Variants in B4GALT6 observed in about 807,000 individuals in gnomAD.
B4GALT6 encodes the protein UDP-Gal:beta-GlcNAc beta-1,4-galactosyltransferase 6.
In B4GALT6, 14 loss-of-function variants were observed where a neutral mutation model predicts 46.3. That is an observed-to-expected ratio of 0.30 (90% confidence interval 0.20 to 0.47). The LOEUF is 0.47. Among genes scored for constraint, B4GALT6 ranks in the 20% least tolerant of loss-of-function variants. B4GALT6 has a pLI of 0.99. For missense variants in B4GALT6, 386 were observed against 480.1 expected (o/e 0.80, Z 1.83); for synonymous variants, 168 against 162.0 (o/e 1.04, Z -0.28).
chr18:31,708,686 AT>A, the B4GALT6 span, among the ~76,000 whole-genome samples: 144 of 152,242 alleles, frequency 9.5e-4, no homozygotes, highest in Non-Finnish European at 1.7e-3. Context: ...TCTTCCCTTT[AT>A]TTTTTTCCAC....
the B4GALT6 span, among the ~76,000 whole-genome samples, chr18:31,709,398 A>T: frequency 0.64 from 94,610 of 147,078 alleles, 30,803 homozygotes; most frequent in South Asian, 0.7. Context: ...CCCATGGACA[A>T]TAGAGTATGT....
chr18:31,643,030 T>C (rs997902569), intron 4 of B4GALT6, among the ~76,000 whole-genome samples: 2 of 152,182 alleles, frequency 1.3e-5, no homozygotes, highest in Non-Finnish European at 2.9e-5. Context: ...AACATAAATC[T>C]AGTTATTTCT....
At chr18:31,659,798 C>T (rs1354518288) in intron 2 of B4GALT6, among the ~76,000 whole-genome samples, 3 of 151,990 alleles carry the variant, frequency 2.0e-5, no homozygotes, top group Non-Finnish European at 4.4e-5. Flanking sequence ...ATTCAGTGAA[C>T]ATTAATTGTT....
chr18:31,695,282 C>T, the B4GALT6 span, among the ~76,000 whole-genome samples: 1 of 128,838 alleles, frequency 7.8e-6, no homozygotes, highest in Admixed American at 8.3e-5. Context: ...CACTTCTCCT[C>T]CCTGAAATTA....
the B4GALT6 span, among the ~76,000 whole-genome samples, chr18:31,706,459 T>C: frequency 2.0e-5 from 3 of 151,990 alleles, no homozygotes; most frequent in African/African-American, 7.2e-5. Context: ...GGAGAAACCC[T>C]GCCTCTACTA....
the B4GALT6 span, among the ~76,000 whole-genome samples, chr18:31,715,614 G>T: frequency 8.1e-6 from 1 of 124,164 alleles, no homozygotes; most frequent in South Asian, 2.7e-4. Flanking sequence ...GCAATAGCAC[G>T]ATCTCAGCTC....
chr18:31,724,440 G>T, the B4GALT6 span: 1 of 1,034,166 alleles, frequency 9.7e-7, no homozygotes. Context: ...CACGCGAATC[G>T]CCGCCATGAG....
At chr18:31,723,248 C>T in the B4GALT6 span, among the ~76,000 whole-genome samples, 1 of 152,182 alleles carries the variant, frequency 6.6e-6, no homozygotes, top group Non-Finnish European at 1.5e-5. Context: ...AGTCTACATT[C>T]ATTATCCCAT....
At chr18:31,631,179 A>C in intron 5 of B4GALT6, 33 bp from the exon 6 acceptor site, 1 of 1,549,108 alleles carries the variant, frequency 6.5e-7, no homozygotes, top group African/African-American at 1.4e-5. Flanking sequence ...AAAAAATAGA[A>C]ATGTACTCAC....
chr18:31,722,839 A>G, the B4GALT6 span, among the ~76,000 whole-genome samples: 1 of 152,226 alleles, frequency 6.6e-6, no homozygotes, highest in Non-Finnish European at 1.5e-5. Flanking sequence ...GAGGTCTTCA[A>G]TCACTAATGA....
chr18:31,660,764 A>C (rs1204691714), intron 2 of B4GALT6, among the ~76,000 whole-genome samples: 2 of 152,146 alleles, frequency 1.3e-5, no homozygotes. Flanking sequence ...AAATAATATA[A>C]AAATATTTTG....
intron 6 of B4GALT6, among the ~76,000 whole-genome samples, chr18:31,629,935 C>T (rs750258540): frequency 2.5e-4 from 37 of 146,054 alleles, no homozygotes; most frequent in Non-Finnish European, 3.3e-4. Flanking sequence ...AGTTCAGATA[C>T]AGAGGTAATA....
At chr18:31,631,347 C>T (rs546999932) in intron 5 of B4GALT6, among the ~76,000 whole-genome samples, 41 of 152,042 alleles carry the variant, frequency 2.7e-4, no homozygotes, top group African/African-American at 8.4e-4. Context: ...CCACCGCGCC[C>T]GGCCCCCATC....
At chr18:31,631,209 T>C in intron 5 of B4GALT6, 63 bp from the exon 6 acceptor site, 1 of 1,464,788 alleles carries the variant, frequency 6.8e-7, no homozygotes, top group East Asian at 2.4e-5. Context: ...TCTTTTTTTT[T>C]TTTTTTCTTT....
intron 5 of B4GALT6, among the ~76,000 whole-genome samples, chr18:31,632,130 T>TA (rs1007473914): frequency 2.0e-5 from 3 of 152,046 alleles, no homozygotes; most frequent in African/African-American, 7.2e-5. Flanking sequence ...TAAAATATAT[T>TA]AAAAAAAGGA....
the B4GALT6 span, among the ~76,000 whole-genome samples, chr18:31,717,221 C>A: frequency 6.6e-6 from 1 of 151,896 alleles, no homozygotes; most frequent in Non-Finnish European, 1.5e-5. Context: ...TATTTATATA[C>A]AAAAGAATAC....
At chr18:31,639,383 A>G (rs2144552991) in intron 4 of B4GALT6, among the ~76,000 whole-genome samples, 1 of 152,318 alleles carries the variant, frequency 6.6e-6, no homozygotes, top group African/African-American at 2.4e-5. Flanking sequence ...TATCTTACAC[A>G]TGGTTTCTCT....
At chr18:31,658,166 T>C in intron 2 of B4GALT6, 77 bp from the exon 3 acceptor site, 1 of 1,019,118 alleles carries the variant, frequency 9.8e-7, no homozygotes. Context: ...TACGTCACTA[T>C]CACTGGGAGA....
chr18:31,689,508 A>G (rs992753660), upstream of B4GALT6, among the ~76,000 whole-genome samples: 2 of 152,032 alleles, frequency 1.3e-5, no homozygotes, highest in African/African-American at 4.8e-5. Flanking sequence ...ACTTTGGGAG[A>G]CCAAGGCGGG....
Sources: gnomAD v4.1 joint callset for allele counts (sites outside exome capture counted in the v4.1 genomes callset) on GRCh38, gnomAD v4.1.1 for gene constraint, MANE v1.5 for transcripts, NCBI Gene and HGNC (gene_info 2026-07-23, HGNC 2026-07-21) for gene names.